DLC1: variants seen among roughly 807,000 people sequenced by gnomAD.
DLC1 encodes the protein rho GTPase-activating protein 7.
A neutral mutation model predicts 140.3 loss-of-function variants in DLC1; 54 were observed. The ratio of observed to expected loss-of-function variants is 0.38; its 90% confidence interval spans 0.31 to 0.48. The LOEUF is 0.48. DLC1 is among the 20% of genes least tolerant of loss of function. DLC1 has a pLI of 0.96. For synonymous variants in DLC1, 986 were observed against 728.1 expected (o/e 1.35, Z -5.70); for missense variants, 2,536 against 1,907.0 (o/e 1.33, Z -6.14).
chr8:13,514,307 T>A (rs755013242), intron 1 of DLC1, among the ~76,000 whole-genome samples: 2 of 152,146 alleles, frequency 1.3e-5, no homozygotes. Flanking sequence ...ATAGGAAAAC[T>A]GATCCGACAG....
chr8:13,601,028 AC>A (rs1365969345), intron 1 of DLC1, among the ~76,000 whole-genome samples: 1 of 151,824 alleles, frequency 6.6e-6, no homozygotes, highest in Non-Finnish European at 1.5e-5. Flanking sequence ...AGTCTCATAA[AC>A]TTTTTAAAAA....
intron 2 of DLC1, among the ~76,000 whole-genome samples, chr8:13,462,199 C>G (rs1799697113): frequency 6.6e-6 from 1 of 152,096 alleles, no homozygotes; most frequent in African/African-American, 2.4e-5. Flanking sequence ...TGTACAAATT[C>G]TATCCAAACT....
chr8:13,347,801 C>A lies in DLC1; in HGVS notation c.1315-42499G>T, dbSNP rs998271477. On this transcript the variant is annotated intron_variant, in intron 4 of 17. Coordinates refer to ENST00000276297, the MANE Select transcript of DLC1 (RefSeq NM_182643.3). ...TTTTTATAAGAATACAGAGTAGAGG[C>A]CCTTAATCTTCCAGGGAAAGGGCAT... Among the ~76,000 whole-genome samples, 4 of 152,076 alleles carry A rather than the reference C, an allele frequency of 2.6e-5. No individual in the cohort carries two copies. The East Asian group carries it at 7.7e-4, about 29-fold the overall frequency.
chr8:13,566,896 T>C, intron 1 of DLC1: 2 of 1,412,752 alleles, frequency 1.4e-6, no homozygotes, highest in Non-Finnish European at 1.9e-6. Flanking sequence ...GCTGATGGCA[T>C]TGAGATCCAT....
chr8:13,086,032 A>G (rs1374545513), intron 17 of DLC1, 101 bp from the exon 18 acceptor site: 5 of 1,507,212 alleles, frequency 3.3e-6, no homozygotes, highest in Non-Finnish European at 4.4e-6. Context: ...CATAAAATCT[A>G]TCATTTCCCA....
chr8:13,091,179 T>A, intron 14 of DLC1, 139 bp downstream of exon 14: 3 of 668,638 alleles, frequency 4.5e-6, no homozygotes, highest in Non-Finnish European at 7.6e-6. Context: ...TATATGTAAA[T>A]AAGACATTCT....
intron 1 of DLC1, chr8:13,567,773 T>G: frequency 6.4e-7 from 1 of 1,551,948 alleles, no homozygotes; most frequent in South Asian, 1.2e-5. Flanking sequence ...CCCAGAATAA[T>G]CTGGAAAAGA....
chr8:13,193,474 TA>T (rs1366848595), intron 5 of DLC1, among the ~76,000 whole-genome samples: 1 of 152,140 alleles, frequency 6.6e-6, no homozygotes, highest in Non-Finnish European at 1.5e-5. Context: ...ACATCTGTAC[TA>T]AGTACAGATA....
chr8:13,579,244 G>GTATATATATATATATATA (rs1804954413), intron 1 of DLC1, among the ~76,000 whole-genome samples: 1 of 4,762 alleles, frequency 2.1e-4, no homozygotes, highest in Non-Finnish European at 1.7e-3. Context: ...GGAACAGGGA[G>GTATATATATATATATATA]CATATATATA....
At chr8:13,133,265 C>G (rs1307139458) in intron 5 of DLC1, 11 of 1,337,590 alleles carry the variant, frequency 8.2e-6, no homozygotes, top group Non-Finnish European at 1.0e-5. Context: ...GCGAAGCGCC[C>G]TCGCTCGGGC....
intron 5 of DLC1, among the ~76,000 whole-genome samples, chr8:13,196,831 G>T: frequency 6.6e-6 from 1 of 152,228 alleles, no homozygotes; most frequent in East Asian, 1.9e-4. Context: ...GAGATGAAAA[G>T]ATTTCTAGTG....
At chr8:13,455,261 G>T (rs1585138129) in intron 2 of DLC1, among the ~76,000 whole-genome samples, 1 of 152,170 alleles carries the variant, frequency 6.6e-6, no homozygotes, top group Non-Finnish European at 1.5e-5. Flanking sequence ...GCACACAATT[G>T]TATATCCATT....
At chr8:13,162,328 G>C (rs1824767765) in intron 5 of DLC1, among the ~76,000 whole-genome samples, 1 of 152,008 alleles carries the variant, frequency 6.6e-6, no homozygotes. Context: ...TGTTGTTGTT[G>C]TTGTTGTTTT....
At chr8:13,561,724 C>G (rs1804250671) in intron 1 of DLC1, among the ~76,000 whole-genome samples, 1 of 152,124 alleles carries the variant, frequency 6.6e-6, no homozygotes, top group African/African-American at 2.4e-5. Context: ...ATTCTGACTG[C>G]TTGAATTTTT....
intron 4 of DLC1, among the ~76,000 whole-genome samples, chr8:13,361,559 C>G (rs1455659719): frequency 6.6e-6 from 1 of 152,114 alleles, no homozygotes; most frequent in African/African-American, 2.4e-5. Context: ...AGCCACCACG[C>G]CCTGCTCCAG....
chr8:13,419,856 G>A (rs930830945), intron 2 of DLC1, among the ~76,000 whole-genome samples: 4 of 152,136 alleles, frequency 2.6e-5, no homozygotes, highest in African/African-American at 9.7e-5. Flanking sequence ...ACTCCTTTTG[G>A]TTGGTAAGCT....
chr8:13,544,805 C>A (rs139612183), intron 1 of DLC1, among the ~76,000 whole-genome samples: 2 of 152,294 alleles, frequency 1.3e-5, no homozygotes, highest in African/African-American at 4.8e-5. Context: ...GAGTAAGCTT[C>A]ATTTCTTTTG....
intron 1 of DLC1, among the ~76,000 whole-genome samples, chr8:13,532,315 G>T (rs573999422): frequency 1.3e-5 from 2 of 152,170 alleles, no homozygotes; most frequent in African/African-American, 4.8e-5. Context: ...GAAGAGGCTT[G>T]CTTTCCCTGA....
intron 5 of DLC1, among the ~76,000 whole-genome samples, chr8:13,207,571 T>TA (rs1422361443): frequency 6.6e-6 from 1 of 152,156 alleles, no homozygotes; most frequent in African/African-American, 2.4e-5. Flanking sequence ...TTGGCCCTAT[T>TA]AAAAAAGAAA....
Sources: allele counts gnomAD v4.1 joint callset (sites outside exome capture counted in the v4.1 genomes callset), GRCh38; gene constraint gnomAD v4.1.1; transcripts MANE v1.5; gene names NCBI Gene and HGNC (gene_info 2026-07-23, HGNC 2026-07-21).